Variants in ATP2C2 observed in about 807,000 individuals in gnomAD.
ATP2C2 encodes the protein ATPase secretory pathway Ca2+ transporting 2, also known as calcium-transporting ATPase type 2C member 2.
Under a neutral mutation model 110.8 loss-of-function variants are expected in ATP2C2, and 171 were observed. That is an observed-to-expected ratio of 1.54 (90% CI 1.36 to 1.75). The LOEUF (loss-of-function observed/expected upper bound fraction) is 1.75, where lower values mean the gene tolerates loss of function less well. Among genes scored for constraint, ATP2C2 ranks in the 40% most tolerant of loss-of-function variants. The pLI is 0.00. For synonymous variants in ATP2C2, 804 were observed against 508.4 expected (o/e 1.58, Z -7.82); for missense variants, 1,963 against 1,235.0 (o/e 1.59, Z -8.84).
At chr16:84,431,522 G>A (rs766148446) in intron 11 of ATP2C2, among the ~76,000 whole-genome samples, 91 of 151,984 alleles carry the variant, frequency 6.0e-4, no homozygotes, top group Non-Finnish European at 7.5e-4. Flanking sequence ...AGGTAGAAGG[G>A]GATGGACTGG....
intron 1 of ATP2C2, among the ~76,000 whole-genome samples, chr16:84,384,218 T>C (rs560628778): frequency 1.4e-4 from 21 of 152,364 alleles, no homozygotes; most frequent in Non-Finnish European, 2.9e-4. Flanking sequence ...GGAAAGGATG[T>C]GGCTCTTAGT....
At chr16:84,418,000 A>C (rs146220183) in intron 7 of ATP2C2, among the ~76,000 whole-genome samples, 2 of 152,200 alleles carry the variant, frequency 1.3e-5, no homozygotes, top group Non-Finnish European at 2.9e-5. Flanking sequence ...TGCACAGTAT[A>C]TGGGGGTCCC....
Position 84,419,841 on chromosome 16 carries a change from T to C in ATP2C2, c.625-2549T>C, listed in dbSNP as rs377030259. Among the ~76,000 whole-genome samples, 103 of 152,254 alleles carry C rather than the reference T, an allele frequency of 6.8e-4. 2 individuals carry two copies. In the South Asian group the frequency reaches 0.018, roughly 26 times the overall value. ...TAAATCTACTCGTGACAAGTACTGT[T>C]CCAGGACTGCTAAGGGACCCATGAG... On this transcript the variant is annotated intron_variant, in intron 7 of 26. Transcript: ENST00000262429.
intron 1 of ATP2C2, among the ~76,000 whole-genome samples, chr16:84,374,351 T>G (rs187280516): frequency 6.6e-6 from 1 of 152,342 alleles, no homozygotes; most frequent in Non-Finnish European, 1.5e-5. Context: ...GTGTGTGCTG[T>G]GATGGTTGTC....
rs371653939 is a variant in ATP2C2 at position 84,442,739 on chromosome 16, G to A, written c.1401+140G>A. ...AAGAAAATGGCCCACACTGGCCTTG[G>A]GCCATCTGTTGGTGGTGGAGGAGGT... On this transcript the variant is annotated intron_variant, in intron 15 of 26. Transcript: ENST00000262429. The A allele has an allele frequency of 3.3e-4, 262 of 793,948 alleles. 2 individuals carry two copies. In the South Asian group the frequency reaches 3.9e-3, roughly 12 times the overall value. 49.2% of individuals were successfully genotyped at this position (793,948 alleles called of 1,614,324 possible).
Position 84,441,373 on chromosome 16 carries a change from C to T in ATP2C2, c.1311+415C>T, listed in dbSNP as rs997826383. Reference sequence around the variant, plus strand: ...GGAGACTCCTGCCCAGAGACGTGCCCGATGAATGGTAAAAAGTGAGCCTGT... The same window carrying T: ...GGAGACTCCTGCCCAGAGACGTGCCTGATGAATGGTAAAAAGTGAGCCTGT... On this transcript the variant is annotated intron_variant, in intron 14 of 26. Transcript: ENST00000262429. 1.1e-4 allele frequency among the ~76,000 whole-genome samples: 16 copies of T among 152,270 alleles called. No homozygotes were observed. The South Asian group carries it at 2.1e-3, about 20-fold the overall frequency.
intron 1 of ATP2C2, among the ~76,000 whole-genome samples, chr16:84,375,608 G>A (rs1262098138): frequency 6.6e-6 from 1 of 152,028 alleles, no homozygotes; most frequent in Admixed American, 6.6e-5. Flanking sequence ...CTAGACAGCT[G>A]TCTGCTCACC....
intron 14 of ATP2C2, among the ~76,000 whole-genome samples, chr16:84,441,316 G>C (rs770242949): frequency 5.3e-5 from 8 of 152,142 alleles, no homozygotes; most frequent in Non-Finnish European, 1.2e-4. Context: ...AGAAGCCTCT[G>C]TACTCATCAC....
rs552119170 is a variant in ATP2C2 at position 84,401,487 on chromosome 16, C to G, written c.210+2878C>G. Among the ~76,000 whole-genome samples, 3 of 152,140 alleles carry G rather than the reference C, an allele frequency of 2.0e-5. No individual in the cohort carries two copies. In the South Asian group the frequency reaches 6.2e-4, roughly 32 times the overall value. On this transcript the variant is annotated intron_variant, in intron 2 of 26. Coordinates refer to ENST00000262429, the MANE Select transcript of ATP2C2 (RefSeq NM_014861.4). ...TAATCTGTCCACCTCATCTTTAATT[C>G]ATTTTTATTTGATTTTTATTGATAA...
chr16:84,409,293 C>T (rs1432949203), intron 4 of ATP2C2, among the ~76,000 whole-genome samples: 2 of 152,104 alleles, frequency 1.3e-5, no homozygotes, highest in East Asian at 1.9e-4. Flanking sequence ...ACACTCGGGC[C>T]TTTCATAGGG....
At chr16:84,446,109 C>A (rs1018900058) in intron 15 of ATP2C2, among the ~76,000 whole-genome samples, 12 of 151,650 alleles carry the variant, frequency 7.9e-5, no homozygotes, top group African/African-American at 2.4e-4. Context: ...GAAGCTGTTG[C>A]AAAGACCGTC....
At position 84,424,576 on chromosome 16, in the gene ATP2C2, C is replaced by CTTTTT. The variant is rs371614449; in HGVS notation, c.920-1140_920-1136dup. ...TACAGGCATGAGCCACCGCACTGGG[C>CTTTTT]TTTTTTTTTTTTTTTTTTTTTTTAA... On this transcript the variant is annotated intron_variant, in intron 10 of 26. Transcript: ENST00000262429. Among the ~76,000 whole-genome samples, 72 of 114,840 alleles carry CTTTTT rather than the reference C, an allele frequency of 6.3e-4. 1 individual carries two copies. The highest frequency in any genetic ancestry group is 2.3e-3 in the African/African-American group (57 of 24,862). 75.3% of individuals were successfully genotyped at this position (114,840 alleles called of 152,430 possible).
intron 1 of ATP2C2, among the ~76,000 whole-genome samples, chr16:84,392,877 C>A (rs1295402513): frequency 6.6e-6 from 1 of 152,186 alleles, no homozygotes; most frequent in Admixed American, 6.5e-5. Context: ...TCTATTATCT[C>A]CAGTATTTCC....
intron 11 of ATP2C2, among the ~76,000 whole-genome samples, chr16:84,433,078 C>T (rs921186146): frequency 6.6e-6 from 1 of 152,138 alleles, no homozygotes; most frequent in Non-Finnish European, 1.5e-5. Context: ...AGACAGAATG[C>T]TTAAAATCTT....
intron 1 of ATP2C2, among the ~76,000 whole-genome samples, chr16:84,378,060 G>C (rs574846685): frequency 6.6e-6 from 1 of 152,244 alleles, no homozygotes; most frequent in East Asian, 1.9e-4. Context: ...GGAAGAGAGG[G>C]GCCCAAGATC....
chr16:84,423,061 G>A (rs1179429196), intron 9 of ATP2C2, 127 bp from the exon 10 acceptor site: 3 of 745,404 alleles, frequency 4.0e-6, no homozygotes, highest in Non-Finnish European at 6.9e-6. Context: ...GTCAATGAAT[G>A]TTGACATATG....
chr16:84,439,557 A>G (rs747502371), intron 13 of ATP2C2, 33 bp downstream of exon 13: 1 of 1,590,238 alleles, frequency 6.3e-7, no homozygotes, highest in Non-Finnish European at 8.6e-7. Context: ...AGCCTTAAGG[A>G]TGCACCCAGC....
Position 84,368,706 on chromosome 16 carries a change from G to A in ATP2C2, c.91G>A (p.Glu31Lys). 1 of 1,546,026 alleles carries A rather than the reference G, an allele frequency of 6.5e-7. No homozygotes were observed. The highest frequency in any genetic ancestry group is 8.7e-7 in the Non-Finnish European group (1 of 1,148,476). ...CCAGGCGCTGGAGAAGGACGAAGAG[G>A]AAGCCTTGGTGAGTCCCCGCGACTC... Reference protein sequence around the residue: ...QYQALEKDEEEALIDEQSELK... With the variant: ...QYQALEKDEEKALIDEQSELK... Residue 31 changes from glutamate to lysine, a missense_variant, in exon 1 of 27, where the codon GAA becomes AAA. Physicochemically the swap from Glu to Lys is moderately conservative, Grantham distance 56. Coordinates refer to ENST00000262429, the MANE Select transcript of ATP2C2 (RefSeq NM_014861.4).
At position 84,422,508 on chromosome 16, in the gene ATP2C2, T is replaced by A; in HGVS notation, c.743T>A (p.Met248Lys). 6.2e-7 allele frequency: 1 copy of A among 1,614,148 alleles called. No individual in the cohort carries two copies. The highest frequency in any genetic ancestry group is 8.5e-7 in the Non-Finnish European group (1 of 1,180,016). Residue 248 changes from methionine (M) to lysine (K), a missense_variant, in exon 8 of 27, where the codon ATG becomes AAG. Coordinates refer to ENST00000262429, the MANE Select transcript of ATP2C2 (RefSeq NM_014861.4). ...DLTTLSNIVFMGTLVQYGRGQ... is the reference protein window; with the variant it reads ...DLTTLSNIVFKGTLVQYGRGQ... ...ACCACCCTCAGCAACATCGTCTTCA[T>A]GGGGACCCTGGTGCAGTATGGGAGG...
Sources: allele counts gnomAD v4.1 joint callset (sites outside exome capture counted in the v4.1 genomes callset), GRCh38; gene constraint gnomAD v4.1.1; transcripts MANE v1.5; gene names NCBI Gene and HGNC (gene_info 2026-07-23, HGNC 2026-07-21).